Variants in TTC22 observed in about 807,000 individuals in gnomAD.
TTC22 encodes the protein tetratricopeptide repeat protein 22.
In TTC22, 42 loss-of-function variants were observed where a neutral mutation model predicts 48.2. The observed-to-expected ratio is 0.87, with a 90% CI of 0.68 to 1.13. The LOEUF is 1.13. Ranked by LOEUF, TTC22 falls within the 50% of genes most tolerant of loss-of-function variation. The probability of loss-of-function intolerance (pLI) is 0.00; values close to 1 mark genes in which losing one functional copy is unlikely to be tolerated. For missense variants in TTC22, 784 were observed against 807.0 expected, an observed-to-expected ratio of 0.97 and a Z score of 0.34; for synonymous variants, 345 against 365.5, an observed-to-expected ratio of 0.94 and a Z score of 0.64.
At position 54,801,073 on chromosome 1, in the gene TTC22, A is replaced by G. The variant is rs1646433881; in HGVS notation, c.91T>C (p.Leu31=). 2 of 1,612,366 alleles carry G rather than the reference A, an allele frequency of 1.2e-6. No homozygotes were observed. Among genetic ancestry groups the G allele is most frequent in the Non-Finnish European group, 8.5e-7 (1 of 1,179,718 alleles). ...GCCGGCGAGCGCGGCTCGAAGTTCA[A>G]CTGCATCTCCAGGTGAAAGTGGCCC... ...LPGHFHLEMQ[L]NFEPRSPAPQ... Residue 31 remains leucine, a synonymous_variant, in exon 1 of 7, where the codon TTG becomes CTG. Transcript: ENST00000371276.
chr1:54,782,552 C>A, intron 5 of TTC22, 75 bp from the exon 6 acceptor site: 1 of 1,408,320 alleles, frequency 7.1e-7, no homozygotes, highest in South Asian at 1.5e-5. Flanking sequence ...CTAAATGAAC[C>A]CAGTCTTTTT....
rs1343431940 is a variant in TTC22 at position 54,801,045 on chromosome 1, G to A, written c.119C>T (p.Pro40Leu). 1.2e-6 allele frequency: 2 copies of A among 1,611,956 alleles called. No homozygotes were observed. Among genetic ancestry groups the A allele is most frequent in the African/African-American group, 1.3e-5 (1 of 74,904 alleles). ...CAGCTTCAGGTCCCGGGCGCGCTGT[G>A]GGGCCGGCGAGCGCGGCTCGAAGTT... ...QLNFEPRSPA[P>L]QRARDLKLQR... The change falls in exon 1 of 7, where the codon CCA becomes CTA. Residue 40 changes from proline (P) to leucine (L), a missense_variant. Pro to Leu is a moderately conservative substitution (Grantham distance 98). Coordinates refer to ENST00000371276, the MANE Select transcript of TTC22 (RefSeq NM_001114108.2).
intron 2 of TTC22, 29 bp from the exon 3 acceptor site, chr1:54,787,855 TG>T: frequency 3.8e-6 from 6 of 1,574,190 alleles, no homozygotes; most frequent in Non-Finnish European, 5.2e-6. Flanking sequence ...TGTGGTTGGG[TG>T]GCACCCCTCC....
chr1:54,780,600 T>G lies in TTC22; in HGVS notation c.*643A>C, dbSNP rs1438818494. 6.6e-6 allele frequency: 1 copy of G among 152,196 alleles called. No individual in the cohort carries two copies. Among genetic ancestry groups the G allele is most frequent in the Non-Finnish European group, 1.5e-5 (1 of 68,054 alleles). 9.4% of individuals were successfully genotyped at this position (152,196 alleles called of 1,614,324 possible). The stretch of plus-strand genomic sequence containing the variant: ...TGAAGGTTCTATTGATGAGCTCTAT[T>G]TCAGAGCATTTGGGAGGCCTTTTGG... On this transcript the variant is annotated 3_prime_UTR_variant, in exon 7 of 7. Transcript: ENST00000371276.
At position 54,787,195 on chromosome 1, in the gene TTC22, C is replaced by T. The variant is rs1646311042; in HGVS notation, c.740-120G>A. The stretch of plus-strand genomic sequence containing the variant: ...AGCAAGGGATAGTAGAGTGGGATCA[C>T]TGAGGGCAACACAGGGACAGAGAGA... On this transcript the variant is annotated intron_variant, in intron 3 of 6. Transcript: ENST00000371276. The T allele has an allele frequency of 8.9e-6, 5 of 563,092 alleles. No homozygotes were observed. The East Asian group carries it at 1.6e-4, about 18-fold the overall frequency. The allele number at this position is 563,092 out of a possible 1,614,324, so 34.9% of individuals were successfully genotyped here. A position where few individuals can be genotyped will look rare whatever the true frequency, so the allele number is the denominator to read the frequency against.
intron 5 of TTC22, chr1:54,784,924 T>A: frequency 1.9e-5 from 10 of 538,814 alleles, no homozygotes; most frequent in Non-Finnish European, 2.9e-5. Context: ...CAGAGCTGAA[T>A]GACTATGCAG....
At chr1:54,787,956 C>T in intron 2 of TTC22, 86 bp downstream of exon 2, 1 of 1,498,080 alleles carries the variant, frequency 6.7e-7, no homozygotes, top group Non-Finnish European at 9.3e-7. Flanking sequence ...AAGGGCCCAG[C>T]CACCTCTGCC....
chr1:54,785,182 C>T lies in TTC22; in HGVS notation c.1020+801G>A, dbSNP rs192961777. On this transcript the variant is annotated intron_variant, in intron 5 of 6. Transcript: ENST00000371276. ...GATTTGAACCAAGGCTGTCTGTGTT[C>T]AGAGCCAGAGCTCTGATCCACTATA... is the stretch of plus-strand genomic sequence containing the variant. 19 of 196,256 alleles carry T rather than the reference C, an allele frequency of 9.7e-5. No individual in the cohort carries two copies. In the East Asian group the frequency reaches 3.3e-3, roughly 34 times the overall value. 12.2% of individuals were successfully genotyped at this position (196,256 alleles called of 1,614,324 possible).
At chr1:54,790,305 AGGAGTTTAAGGCTGCAGTGAACT>A (rs1482269834) in intron 1 of TTC22, among the ~76,000 whole-genome samples, 3 of 152,242 alleles carry the variant, frequency 2.0e-5, no homozygotes, top group African/African-American at 7.2e-5. Flanking sequence ...GATTGAGCCC[AGGAGTTTAAGGCTGCAGTGAACT>A]ATGATAGCAC....
chr1:54,787,814 G>C lies in TTC22; in HGVS notation c.636C>G (p.Ile212Met). 6.2e-7 allele frequency: 1 copy of C among 1,609,954 alleles called. No individual in the cohort carries two copies. Among genetic ancestry groups the C allele is most frequent in the Non-Finnish European group, 8.5e-7 (1 of 1,178,096 alleles). Residue 212 changes from isoleucine (I) to methionine (M), a missense_variant, in exon 3 of 7, where the codon ATC (isoleucine) becomes ATG (methionine). Transcript: ENST00000371276. ...MATLYIRLDGIFLELGSEEQK... is the reference protein window; with the variant it reads ...MATLYIRLDGMFLELGSEEQK... Reference sequence around the variant, plus strand: ...GCTCCTCACTGCCCAGCTCCAGGAAGATGCCATCTAGCCTGTGGCCGAGAA... The same window carrying C: ...GCTCCTCACTGCCCAGCTCCAGGAACATGCCATCTAGCCTGTGGCCGAGAA...
chr1:54,794,125 C>CTA (rs1164384127), intron 1 of TTC22, among the ~76,000 whole-genome samples: 1 of 152,216 alleles, frequency 6.6e-6, no homozygotes, highest in Non-Finnish European at 1.5e-5. Flanking sequence ...TCTCACTGTA[C>CTA]TACCCTAAGG....
At chr1:54,799,534 G>C (rs1557778109) in intron 1 of TTC22, among the ~76,000 whole-genome samples, 2 of 152,174 alleles carry the variant, frequency 1.3e-5, no homozygotes, top group East Asian at 3.9e-4. Context: ...AGGCCTCCTG[G>C]CTCCTAGCCC....
chr1:54,793,413 G>C (rs1005738173), intron 1 of TTC22, among the ~76,000 whole-genome samples: 2 of 152,156 alleles, frequency 1.3e-5, no homozygotes, highest in East Asian at 3.9e-4. Flanking sequence ...CAGAAGCAGA[G>C]GTTGCCTACT....
Position 54,781,476 on chromosome 1 carries a change from G to T in TTC22, c.1477C>A (p.Leu493Met). The T allele has an allele frequency of 6.8e-7, 1 of 1,470,876 alleles. No homozygotes were observed. Among genetic ancestry groups the T allele is most frequent in the Non-Finnish European group, 8.9e-7 (1 of 1,120,624 alleles). 91.1% of individuals were successfully genotyped at this position (1,470,876 alleles called of 1,614,324 possible). Residue 493 changes from leucine (L) to methionine (M), a missense_variant, in exon 7 of 7, where the codon CTG becomes ATG. Transcript: ENST00000371276. The part of the protein sequence containing the change: ...WSQAQLSDGE[L>M]GREVDAWLRR... Reference sequence around the variant, plus strand: ...AGCCAGGCGTCCACCTCGCGGCCCAGCTCCCCGTCGCTCAGCTGTGCCTGG... The same window carrying T: ...AGCCAGGCGTCCACCTCGCGGCCCATCTCCCCGTCGCTCAGCTGTGCCTGG...
At chr1:54,784,725 C>T in intron 5 of TTC22, 11 of 1,244,754 alleles carry the variant, frequency 8.8e-6, no homozygotes, top group Non-Finnish European at 1.1e-5. Context: ...GTAGATTTGC[C>T]ACTAGGTCAT....
chr1:54,785,036 G>C (rs1389321018), intron 5 of TTC22: 1 of 194,898 alleles, frequency 5.1e-6, no homozygotes, highest in Admixed American at 6.2e-5. Context: ...TTGATGCTGA[G>C]TTTTACATAC....
chr1:54,785,183 A>G (rs111750868), intron 5 of TTC22: 1 of 196,976 alleles, frequency 5.1e-6, no homozygotes, highest in Non-Finnish European at 1.1e-5. Flanking sequence ...GTCTGTGTTC[A>G]GAGCCAGAGC....
rs1646260693 is a variant in TTC22, at chr1:54,781,395, C to A, written c.1558G>T (p.Val520Leu). The change falls in exon 7 of 7, where the codon GTG (valine) becomes TTG (leucine). Residue 520 changes from valine (V) to leucine (L), a missense_variant. By Grantham distance (32) the Val-to-Leu change is conservative (BLOSUM62 1). Coordinates refer to ENST00000371276, the MANE Select transcript of TTC22 (RefSeq NM_001114108.2). ...ACCTCGTCCGTGTGCCCGCGCCACA[C>A]GCGCTGCAGCTCCTGGCGCAGGCGC... Reference protein sequence around the residue: ...AARLRQELQRVWRGHTDEVLG... With the variant: ...AARLRQELQRLWRGHTDEVLG... 2 of 1,385,702 alleles carry A rather than the reference C, an allele frequency of 1.4e-6. No individual in the cohort carries two copies. Among genetic ancestry groups the A allele is most frequent in the Non-Finnish European group, 9.3e-7 (1 of 1,080,628 alleles). The allele number at this position is 1,385,702 out of a possible 1,614,324, so 85.8% of individuals were successfully genotyped here.
intron 3 of TTC22, chr1:54,787,305 C>T (rs756844016): frequency 1.1e-3 from 627 of 548,278 alleles, no homozygotes; most frequent in Non-Finnish European, 1.8e-3. Flanking sequence ...ATCGGGGGAC[C>T]TAATTTCAGG....
Sources: gnomAD v4.1 joint callset for allele counts (sites outside exome capture counted in the v4.1 genomes callset) on GRCh38, gnomAD v4.1.1 for gene constraint, MANE v1.5 for transcripts, NCBI Gene and HGNC (gene_info 2026-07-23, HGNC 2026-07-21) for gene names.